The following CLASP1 variants were observed in gnomAD, a reference collection of about 807,000 sequenced individuals.
CLASP1 encodes the protein cytoplasmic linker associated protein 1, also known as CLIP-associating protein 1.
Under a neutral mutation model 192.3 loss-of-function variants are expected in CLASP1, and 38 were observed. The observed-to-expected ratio is 0.20, with a 90% CI of 0.15 to 0.26. CLASP1 has a LOEUF of 0.26. Among genes scored for constraint, CLASP1 ranks in the 10% least tolerant of loss-of-function variants. The pLI, the probability that CLASP1 is intolerant of heterozygous loss-of-function variation, is 1.00. For missense variants in CLASP1, 1,433 were observed against 1,932.5 expected, an observed-to-expected ratio of 0.74 and a Z score of 4.85; for synonymous variants, 691 against 712.8, an observed-to-expected ratio of 0.97 and a Z score of 0.49.
intron 30 of CLASP1, 76 bp downstream of exon 31, chr2:121,397,064 T>G: frequency 6.6e-7 from 1 of 1,509,208 alleles, no homozygotes; most frequent in Non-Finnish European, 9.2e-7. Flanking sequence ...GGCACGGTTT[T>G]CAAGTTTCTA....
At chr2:121,405,873 T>C (rs943509951) in intron 25 of CLASP1, among the ~76,000 whole-genome samples, 1 of 152,152 alleles carries the variant, frequency 6.6e-6, no homozygotes, top group Non-Finnish European at 1.5e-5. Context: ...CAGGTATGAG[T>C]ACGGGAGGGT....
At chr2:121,367,991 C>T (rs924884861) in intron 34 of CLASP1, among the ~76,000 whole-genome samples, 160 bp from the exon 36 acceptor site, 2 of 152,302 alleles carry the variant, frequency 1.3e-5, no homozygotes, top group African/African-American at 4.8e-5. Flanking sequence ...ATACCAAATC[C>T]GTAAACTACC....
intron 8 of CLASP1, among the ~76,000 whole-genome samples, chr2:121,499,814 A>T (rs935912179): frequency 7.0e-6 from 1 of 142,528 alleles, no homozygotes; most frequent in Non-Finnish European, 1.5e-5. Flanking sequence ...CTGCTCTGGG[A>T]AAAAAAAAAA....
intron 24 of CLASP1, among the ~76,000 whole-genome samples, chr2:121,410,559 A>G (rs1326519878): frequency 6.6e-6 from 1 of 152,136 alleles, no homozygotes; most frequent in Admixed American, 6.5e-5. Flanking sequence ...GGTTAAAAAG[A>G]AAAAAAGAAG....
At chr2:121,628,813 T>C (rs570458925) in intron 1 of CLASP1, among the ~76,000 whole-genome samples, 1 of 150,086 alleles carries the variant, frequency 6.7e-6, no homozygotes, top group South Asian at 2.1e-4. Flanking sequence ...TAAGAATGCA[T>C]CTAAGGAAAA....
intron 6 of CLASP1, among the ~76,000 whole-genome samples, chr2:121,520,424 G>T (rs77624736): frequency 6.6e-6 from 1 of 152,206 alleles, no homozygotes; most frequent in Non-Finnish European, 1.5e-5. Flanking sequence ...CCCCAGCACA[G>T]CTGTGCCCAA....
chr2:121,566,238 G>A (rs2059490149), intron 2 of CLASP1, among the ~76,000 whole-genome samples: 1 of 152,204 alleles, frequency 6.6e-6, no homozygotes, highest in Admixed American at 6.5e-5. Context: ...TGGGACCACA[G>A]GCCAGACCTC....
intron 37 of CLASP1, 116 bp from the exon 39 acceptor site, chr2:121,348,834 C>G: frequency 1.0e-6 from 1 of 957,202 alleles, no homozygotes; most frequent in Non-Finnish European, 1.5e-6. Context: ...CAGACGGCAG[C>G]CATTGCTTCG....
intron 19 of CLASP1, among the ~76,000 whole-genome samples, chr2:121,442,265 TA>T (rs1269843868): frequency 6.6e-6 from 1 of 152,166 alleles, no homozygotes; most frequent in African/African-American, 2.4e-5. Flanking sequence ...CTCCAAAAAT[TA>T]CTGAACATAA....
intron 2 of CLASP1, chr2:121,530,962 G>C (rs187757075): frequency 3.3e-5 from 23 of 700,262 alleles, no homozygotes; most frequent in East Asian, 2.1e-4. Context: ...CAACACACCC[G>C]CATCAACTAG....
intron 2 of CLASP1, among the ~76,000 whole-genome samples, chr2:121,556,084 A>G (rs1419446620): frequency 7.0e-6 from 1 of 141,946 alleles, no homozygotes; most frequent in Non-Finnish European, 1.5e-5. Flanking sequence ...CCCAGGTTCA[A>G]GCAAATTCTC....
chr2:121,582,620 G>T (rs545592784), intron 2 of CLASP1, among the ~76,000 whole-genome samples: 16 of 148,176 alleles, frequency 1.1e-4, no homozygotes, highest in African/African-American at 3.7e-4. Context: ...AAAAGGAAAG[G>T]GAAAGGGAAA....
At chr2:121,525,769 C>A (rs2094560340) in intron 6 of CLASP1, 76 bp downstream of exon 6, 2 of 962,140 alleles carry the variant, frequency 2.1e-6, no homozygotes, top group Admixed American at 1.9e-5. Context: ...CCAGTCCCAC[C>A]CACTACGGAA....
At chr2:121,349,022 C>T (rs1181771370) in intron 37 of CLASP1, among the ~76,000 whole-genome samples, 5 of 152,006 alleles carry the variant, frequency 3.3e-5, no homozygotes, top group East Asian at 1.9e-4. Context: ...GGGCGGATCA[C>T]GAGGTCAGGA....
In CLASP1 at chr2:121,645,267, A is replaced by G. The variant is rs548909329; in HGVS notation, c.-286+4105T>C. The stretch of plus-strand genomic sequence containing the variant: ...ATGAAGTGCTATTATGTGAAGAAGA[A>G]ACAGACTTAATTCAGGTTCCTTCAG... On this transcript the variant is annotated intron_variant, in intron 1 of 39. Coordinates refer to ENST00000263710, the Ensembl canonical transcript of CLASP1. Among the ~76,000 whole-genome samples the G allele has an allele frequency of 2.0e-5, 3 of 152,368 alleles. No homozygotes were observed. The South Asian group carries it at 6.2e-4, about 32-fold the overall frequency.
intron 34 of CLASP1, among the ~76,000 whole-genome samples, chr2:121,374,934 A>G (rs947343789): frequency 6.6e-6 from 1 of 152,170 alleles, no homozygotes; most frequent in African/African-American, 2.4e-5. Context: ...GAGTTAATGC[A>G]GGAATGAGTT....
At chr2:121,512,450 T>C (rs546166597) in intron 7 of CLASP1, among the ~76,000 whole-genome samples, 2 of 152,230 alleles carry the variant, frequency 1.3e-5, no homozygotes, top group Non-Finnish European at 2.9e-5. Context: ...TGAACATATA[T>C]ACATGAACTA....
intron 2 of CLASP1, chr2:121,530,859 A>C (rs868617067): frequency 1.0e-5 from 7 of 669,170 alleles, no homozygotes; most frequent in Non-Finnish European, 1.9e-5. Context: ...TCCTGCTTGC[A>C]GCCCAGGGAC....
intron 8 of CLASP1, among the ~76,000 whole-genome samples, chr2:121,478,651 CA>C (rs2091980616): frequency 2.6e-5 from 2 of 77,350 alleles, no homozygotes; most frequent in African/African-American, 2.6e-4. Context: ...ACACCCCCCA[CA>C]CACACACACC....
Sources: gnomAD v4.1 joint callset for allele counts (sites outside exome capture counted in the v4.1 genomes callset) on GRCh38, gnomAD v4.1.1 for gene constraint, MANE v1.5 for transcripts, NCBI Gene and HGNC (gene_info 2026-07-23, HGNC 2026-07-21) for gene names.